The following JAM2 variants were observed in gnomAD, a reference collection of about 807,000 sequenced individuals.
JAM2 encodes junctional adhesion molecule 2, also known as junctional adhesion molecule B.
Under a neutral mutation model 42.0 loss-of-function variants are expected in JAM2, and 17 were observed. The observed-to-expected ratio is 0.40, with a 90% CI of 0.28 to 0.61. The LOEUF (loss-of-function observed/expected upper bound fraction) is 0.61. Among genes scored for constraint, JAM2 ranks in the 20% least tolerant of loss-of-function variants. The pLI is 0.37. For missense variants in JAM2, 319 were observed against 358.3 expected (o/e 0.89, Z 0.89); for synonymous variants, 118 against 128.6 (o/e 0.92, Z 0.56).
chr21:25,693,603 T>C (rs1008021210), intron 3 of JAM2, among the ~76,000 whole-genome samples, 153 bp from the exon 4 acceptor site: 6 of 152,176 alleles, frequency 3.9e-5, no homozygotes, highest in African/African-American at 1.2e-4. Context: ...AAATTTTAAA[T>C]AACAGCATCT....
chr21:25,705,627 A>G (rs914832564), intron 6 of JAM2, among the ~76,000 whole-genome samples: 1 of 152,236 alleles, frequency 6.6e-6, no homozygotes, highest in Admixed American at 6.5e-5. Context: ...GACGTGGGGT[A>G]GGGAGTGGCA....
At chr21:25,711,035 G>A (rs1488023633) in intron 8 of JAM2, among the ~76,000 whole-genome samples, 1 of 152,200 alleles carries the variant, frequency 6.6e-6, no homozygotes, top group East Asian at 1.9e-4. Flanking sequence ...GATGTGGGCT[G>A]TGAGAGAAGC....
chr21:25,681,342 G>C (rs1178385099), intron 1 of JAM2, among the ~76,000 whole-genome samples: 1 of 152,296 alleles, frequency 6.6e-6, no homozygotes, highest in East Asian at 1.9e-4. Flanking sequence ...CAGCATGGCT[G>C]GGGAGGCCTC....
chr21:25,672,159 A>T (rs2033377839), intron 1 of JAM2, among the ~76,000 whole-genome samples: 1 of 150,732 alleles, frequency 6.6e-6, no homozygotes, highest in Admixed American at 6.6e-5. Flanking sequence ...TGTGTTGCCC[A>T]AGCTTGTCTC....
At chr21:25,690,092 T>A in intron 3 of JAM2, 119 bp downstream of exon 3, 1 of 682,728 alleles carries the variant, frequency 1.5e-6, no homozygotes, top group African/African-American at 1.8e-5. Context: ...TTTGTAAGTG[T>A]GAGATGAAAG....
chr21:25,656,802 C>T (rs560001175), intron 1 of JAM2, among the ~76,000 whole-genome samples: 45 of 152,132 alleles, frequency 3.0e-4, no homozygotes, highest in Non-Finnish European at 6.2e-4. Context: ...ATTCAGAGTC[C>T]TAATAATTTG....
At chr21:25,645,230 T>C (rs1347567921) in intron 1 of JAM2, among the ~76,000 whole-genome samples, 1 of 152,176 alleles carries the variant, frequency 6.6e-6, no homozygotes, top group Non-Finnish European at 1.5e-5. Context: ...AGTATGGTGG[T>C]AAAGAACATG....
At position 25,715,138 on chromosome 21, in the gene JAM2, C is replaced by A. The variant is rs2034455548; in HGVS notation, c.*466C>A. The stretch of plus-strand genomic sequence containing the variant: ...ATCCTCTTTTCTCCCCTAATATCAT[C>A]CTTATTCTGATGCTCGTTCATCACT... On this transcript the variant is annotated 3_prime_UTR_variant, in exon 10 of 10. Transcript: ENST00000480456. 1 of 152,660 alleles carries A rather than the reference C, an allele frequency of 6.6e-6. No homozygotes were observed. The highest frequency in any genetic ancestry group is 1.5e-5 in the Non-Finnish European group (1 of 68,412). The allele number at this position is 152,660 out of a possible 1,614,324, so 9.5% of individuals were successfully genotyped here.
intron 1 of JAM2, among the ~76,000 whole-genome samples, chr21:25,649,741 T>G (rs1244873944): frequency 1.3e-5 from 2 of 152,174 alleles, no homozygotes; most frequent in African/African-American, 2.4e-5. Flanking sequence ...CAATAGAGAC[T>G]GTTTTAGTCT....
intron 7 of JAM2, among the ~76,000 whole-genome samples, chr21:25,709,025 A>G (rs1232903139): frequency 6.6e-6 from 1 of 152,126 alleles, no homozygotes; most frequent in Non-Finnish European, 1.5e-5. Flanking sequence ...AACATTTACA[A>G]TCTATTTGAT....
chr21:25,657,268 A>G (rs931171222), intron 1 of JAM2, among the ~76,000 whole-genome samples: 2 of 151,966 alleles, frequency 1.3e-5, no homozygotes, highest in Non-Finnish European at 2.9e-5. Flanking sequence ...TCTGCCTCCA[A>G]CTCCCAAAGT....
chr21:25,689,766 A>G (rs953736462), intron 2 of JAM2, 100 bp from the exon 3 acceptor site: 83 of 724,248 alleles, frequency 1.1e-4, no homozygotes, highest in Non-Finnish European at 1.7e-4. Flanking sequence ...AAAACTATAA[A>G]GGAGTAATTT....
chr21:25,714,289 G>C, intron 9 of JAM2: 1 of 1,085,718 alleles, frequency 9.2e-7, no homozygotes, highest in South Asian at 1.3e-5. Flanking sequence ...GGCGGATCAC[G>C]AGGTCAGGAG....
rs778266871 is a variant in JAM2, at chr21:25,639,625, C to G, written c.-197C>G. 1.5e-5 allele frequency: 8 copies of G among 535,564 alleles called. No homozygotes were observed. The highest frequency in any genetic ancestry group is 2.6e-5 in the Non-Finnish European group (8 of 302,348). 33.2% of individuals were successfully genotyped at this position (535,564 alleles called of 1,614,324 possible). On this transcript the variant is annotated 5_prime_UTR_variant, in exon 1 of 10. Transcript: ENST00000480456. ...ACCCCCATCCCTGGGCTGGAGGACC[C>G]GCCTCTTGGCAGCCAGCTGAGAAGG...
rs1369189719 is a variant in JAM2, at chr21:25,714,741, G to C, written c.*69G>C. On this transcript the variant is annotated 3_prime_UTR_variant, in exon 10 of 10. Coordinates refer to ENST00000480456, the MANE Select transcript of JAM2 (RefSeq NM_021219.4). ...AGTTATTAAACTATTATAAAACTCT[G>C]CTTTGTCCGACATTTGCAAAGAGGT... is the stretch of plus-strand genomic sequence containing the variant. 8.6e-6 allele frequency: 9 copies of C among 1,046,386 alleles called. No individual in the cohort carries two copies. The highest frequency in any genetic ancestry group is 3.4e-5 in the African/African-American group (2 of 59,428). 64.8% of individuals were successfully genotyped at this position (1,046,386 alleles called of 1,614,324 possible).
intron 3 of JAM2, chr21:25,692,440 G>T (rs2061224597): frequency 4.9e-6 from 1 of 203,410 alleles, no homozygotes; most frequent in Non-Finnish European, 1.1e-5. Context: ...TGACAGACAG[G>T]TCAGAGTTGT....
intron 1 of JAM2, among the ~76,000 whole-genome samples, chr21:25,649,137 G>A (rs1052602236): frequency 6.6e-6 from 1 of 152,146 alleles, no homozygotes; most frequent in African/African-American, 2.4e-5. Context: ...GAATTAGTAA[G>A]CATTGATTAA....
At chr21:25,677,201 G>GA (rs147241644) in intron 1 of JAM2, among the ~76,000 whole-genome samples, 18 of 142,092 alleles carry the variant, frequency 1.3e-4, no homozygotes, top group East Asian at 4.1e-4. Flanking sequence ...CACACAAAAA[G>GA]AAAAAAAAAA....
chr21:25,692,449 G>T (rs1333345743), intron 3 of JAM2: 7 of 201,206 alleles, frequency 3.5e-5, no homozygotes, highest in Non-Finnish European at 7.5e-5. Flanking sequence ...GGTCAGAGTT[G>T]TATTGCCAAA....
Sources: gnomAD v4.1 joint callset for allele counts (sites outside exome capture counted in the v4.1 genomes callset) on GRCh38, gnomAD v4.1.1 for gene constraint, MANE v1.5 for transcripts, NCBI Gene and HGNC (gene_info 2026-07-23, HGNC 2026-07-21) for gene names.